The following SERPINB7 variants were observed in gnomAD, a reference collection of about 807,000 sequenced individuals.
The protein encoded by SERPINB7 is serpin family B member 7, also known as serpin B7.
Under a neutral mutation model 37.4 loss-of-function variants are expected in SERPINB7, and 31 were observed. The observed-to-expected ratio is 0.83, with a 90% CI of 0.62 to 1.12. The LOEUF (loss-of-function observed/expected upper bound fraction) is 1.12, where lower values mean the gene tolerates loss of function less well. Among genes scored for constraint, SERPINB7 ranks in the 50% most tolerant of loss-of-function variants. The probability of loss-of-function intolerance (pLI) is 0.00; values close to 1 mark genes in which losing one functional copy is unlikely to be tolerated. For missense variants in SERPINB7, 521 were observed against 455.3 expected (o/e 1.14, Z -1.31); for synonymous variants, 163 against 166.1 (o/e 0.98, Z 0.14).
chr18:63,782,952 C>T (rs1361984260), intron 2 of SERPINB7, among the ~76,000 whole-genome samples: 1 of 151,790 alleles, frequency 6.6e-6, no homozygotes, highest in East Asian at 1.9e-4. Context: ...TCCTGGCTAA[C>T]ACGGTGAAAC....
At chr18:63,777,284 T>G (rs1287939228) in intron 1 of SERPINB7, among the ~76,000 whole-genome samples, 1 of 152,064 alleles carries the variant, frequency 6.6e-6, no homozygotes, top group Non-Finnish European at 1.5e-5. Context: ...CCCACTCTAT[T>G]CTATAGCACT....
At chr18:63,753,242 C>T in intron 1 of SERPINB7, 1 of 152,238 alleles carries the variant, frequency 6.6e-6, no homozygotes, top group East Asian at 1.9e-4. Context: ...GTCAAAGTAA[C>T]AGCTTTACCT....
chr18:63,788,754 T>G (rs2049397753), intron 2 of SERPINB7, among the ~76,000 whole-genome samples: 1 of 152,220 alleles, frequency 6.6e-6, no homozygotes, highest in African/African-American at 2.4e-5. Context: ...TTACTATACC[T>G]TTTCTATTCT....
intron 5 of SERPINB7, 23 bp from the exon 6 acceptor site, chr18:63,798,581 T>C (rs776043118): frequency 3.3e-6 from 5 of 1,516,798 alleles, no homozygotes; most frequent in Non-Finnish European, 3.5e-6. Flanking sequence ...TAAACATTTT[T>C]CCCTCAATTT....
In SERPINB7 at chr18:63,780,621, A is replaced by G. The variant is rs551058362; in HGVS notation, c.-18-1734A>G. 2.6e-5 allele frequency among the ~76,000 whole-genome samples: 4 copies of G among 152,332 alleles called. No homozygotes were observed. In the South Asian group the frequency reaches 8.3e-4, roughly 32 times the overall value. On this transcript the variant is annotated intron_variant, in intron 1 of 7. Transcript: ENST00000398019. ...TTACCCGGGATTGCTTGGATTAGAT[A>G]TAAAATCAACATACATTTTTTTCTG...
intron 1 of SERPINB7, among the ~76,000 whole-genome samples, chr18:63,759,430 G>A (rs1390593763): frequency 1.3e-5 from 2 of 151,962 alleles, no homozygotes; most frequent in East Asian, 1.9e-4. Flanking sequence ...CTCTCTGGGT[G>A]CATATGTAGG....
intron 1 of SERPINB7, among the ~76,000 whole-genome samples, chr18:63,763,487 T>A (rs1490588581): frequency 4.6e-5 from 7 of 152,190 alleles, no homozygotes; most frequent in Non-Finnish European, 8.8e-5. Flanking sequence ...TATGAGACAA[T>A]CTAAAAATAG....
chr18:63,785,394 T>A (rs535099542), intron 2 of SERPINB7, among the ~76,000 whole-genome samples: 2 of 152,302 alleles, frequency 1.3e-5, no homozygotes, highest in East Asian at 3.9e-4. Flanking sequence ...CCAGTAGATA[T>A]CTCTTTAACC....
chr18:63,758,106 T>C (rs1296153373), intron 1 of SERPINB7, among the ~76,000 whole-genome samples: 1 of 152,230 alleles, frequency 6.6e-6, no homozygotes, highest in African/African-American at 2.4e-5. Context: ...TTTCTCTCTC[T>C]AAAGTACATG....
intron 1 of SERPINB7, among the ~76,000 whole-genome samples, chr18:63,759,853 C>A (rs1375644585): frequency 4.6e-5 from 7 of 152,022 alleles, no homozygotes; most frequent in Admixed American, 3.9e-4. Flanking sequence ...CTTCTCACCT[C>A]CCCCCATGAT....
intron 1 of SERPINB7, among the ~76,000 whole-genome samples, chr18:63,779,842 T>C (rs1460393562): frequency 6.6e-6 from 1 of 152,140 alleles, no homozygotes; most frequent in Non-Finnish European, 1.5e-5. Context: ...AATTAAAGAA[T>C]ACTATTCAAA....
intron 1 of SERPINB7, among the ~76,000 whole-genome samples, chr18:63,754,880 CTTTTTTTTTT>C (rs71162676): frequency 1.2e-4 from 7 of 57,980 alleles, no homozygotes; most frequent in Non-Finnish European, 1.5e-4. Flanking sequence ...AAACTGAGGT[CTTTTTTTTTT>C]TTTTTTTTTT....
rs2049595395 is a variant in SERPINB7, at chr18:63,805,218, T to G, written c.*583T>G. ...ATTAATGCTTTCAATTGACAAATTT[T>G]GGTCTTTCTTTGATAAGACAATATG... On this transcript the variant is annotated 3_prime_UTR_variant, in exon 8 of 8. Transcript: ENST00000398019. The G allele has an allele frequency of 6.6e-6, 1 of 152,416 alleles. No individual in the cohort carries two copies. Among genetic ancestry groups the G allele is most frequent in the South Asian group, 2.1e-4 (1 of 4,844 alleles). The allele number at this position is 152,416 out of a possible 1,614,324, so 9.4% of individuals were successfully genotyped here.
At chr18:63,792,708 A>G (rs2049442386) in intron 3 of SERPINB7, among the ~76,000 whole-genome samples, 1 of 152,216 alleles carries the variant, frequency 6.6e-6, no homozygotes, top group Admixed American at 6.5e-5. Flanking sequence ...ATCCTTTCAA[A>G]GCAAAGAAAC....
intron 7 of SERPINB7, among the ~76,000 whole-genome samples, chr18:63,802,526 G>A (rs1268431404): frequency 6.6e-6 from 1 of 152,206 alleles, no homozygotes; most frequent in Non-Finnish European, 1.5e-5. Flanking sequence ...GTGAGATAGG[G>A]AAGGGAGGCT....
At chr18:63,797,322 A>AT (rs566594607) in intron 5 of SERPINB7, among the ~76,000 whole-genome samples, 85 of 152,164 alleles carry the variant, frequency 5.6e-4, no homozygotes, top group African/African-American at 2.0e-3. Flanking sequence ...CAGTGTATAA[A>AT]TTTTCTTTTT....
chr18:63,777,653 C>G (rs138331194), intron 1 of SERPINB7: 1 of 152,188 alleles, frequency 6.6e-6, no homozygotes, highest in East Asian at 1.9e-4. Flanking sequence ...TTAAATTGCT[C>G]TATAAAGCAT....
At chr18:63,788,208 A>T (rs992208964) in intron 2 of SERPINB7, among the ~76,000 whole-genome samples, 1 of 152,216 alleles carries the variant, frequency 6.6e-6, no homozygotes, top group Non-Finnish European at 1.5e-5. Flanking sequence ...TTGTTATCAT[A>T]GGATATGATG....
In SERPINB7 at chr18:63,765,621, AC is replaced by A. The variant is rs1044708043; in HGVS notation, c.-19+12502del. On this transcript the variant is annotated intron_variant, in intron 1 of 7. Coordinates refer to the SERPINB7 transcript ENST00000336429. ...TCCCTGGTTTTCCTCATCCTATGCC[AC>A]TCTTCTTGCTGTTCTTTATTTCTAG... 9.6e-4 allele frequency among the ~76,000 whole-genome samples: 146 copies of A among 151,638 alleles called. 1 individual carries two copies. The highest frequency in any genetic ancestry group is 3.4e-3 in the African/African-American group (142 of 41,350).
Sources: gnomAD v4.1 joint callset for allele counts (sites outside exome capture counted in the v4.1 genomes callset) on GRCh38, gnomAD v4.1.1 for gene constraint, MANE v1.5 for transcripts, NCBI Gene and HGNC (gene_info 2026-07-23, HGNC 2026-07-21) for gene names.